The following GTF2B variants were observed in gnomAD, a reference collection of about 807,000 sequenced individuals.
The protein encoded by GTF2B is transcription initiation factor IIB.
In GTF2B, 20 loss-of-function variants were observed where a neutral mutation model predicts 34.6. The ratio of observed to expected loss-of-function variants is 0.58; its 90% CI spans 0.41 to 0.84. The LOEUF (loss-of-function observed/expected upper bound fraction) is 0.84. Among genes scored for constraint, GTF2B ranks in the 40% least tolerant of loss-of-function variants. The probability of loss-of-function intolerance (pLI) is 0.00; values close to 1 mark genes in which losing one functional copy is unlikely to be tolerated. For missense variants in GTF2B, 237 were observed against 393.3 expected, an observed-to-expected ratio of 0.60 and a Z score of 3.36; for synonymous variants, 142 against 132.4, an observed-to-expected ratio of 1.07 and a Z score of -0.50.
At chr1:88,887,964 T>C (rs2100982195) in intron 1 of GTF2B, 1 of 152,414 alleles carries the variant, frequency 6.6e-6, no homozygotes, top group African/African-American at 2.4e-5. Flanking sequence ...TTATCTGTGA[T>C]ATTAATAATT....
At position 88,853,332 on chromosome 1, in the gene GTF2B, C is replaced by T; in HGVS notation, c.832G>A (p.Ala278Thr). The change falls in exon 7 of 7, where the codon GCT becomes ACT. Residue 278 changes from alanine to threonine, a missense_variant. Around this residue, in one of 3 missense-constraint regions of GTF2B, gnomAD observed 78 missense variants for 116.6 expected, o/e 0.67. Transcript: ENST00000370500. ...CTGATTGTAACATCAGCAACACCAG[C>T]AATATCTCCAATTTCTAAAAGACAA... ...KRTQKEIGDI[A>T]GVADVTIRQS... The T allele has an allele frequency of 6.2e-7, 1 of 1,612,566 alleles. No homozygotes were observed. The highest frequency in any genetic ancestry group is 8.5e-7 in the Non-Finnish European group (1 of 1,178,674).
intron 2 of GTF2B, among the ~76,000 whole-genome samples, chr1:88,874,181 A>G (rs999659976): frequency 6.6e-6 from 1 of 152,224 alleles, no homozygotes; most frequent in African/African-American, 2.4e-5. Context: ...CTTATCGTGC[A>G]GGGGAAATTG....
intron 2 of GTF2B, among the ~76,000 whole-genome samples, chr1:88,880,527 G>A (rs549256212): frequency 1.4e-4 from 21 of 152,246 alleles, no homozygotes; most frequent in African/African-American, 5.1e-4. Flanking sequence ...TCTTTTCATT[G>A]TACCTTTTCT....
chr1:88,856,659 T>C (rs1299177948), intron 6 of GTF2B, among the ~76,000 whole-genome samples: 2 of 152,184 alleles, frequency 1.3e-5, no homozygotes, highest in East Asian at 1.9e-4. Flanking sequence ...GAATAAAAGA[T>C]GTACAAACTA....
intron 1 of GTF2B, among the ~76,000 whole-genome samples, chr1:88,889,494 T>C (rs116754461): frequency 0.012 from 1,835 of 152,322 alleles, 32 homozygotes; most frequent in African/African-American, 0.041. Flanking sequence ...CTGTATTACT[T>C]GTGTTATACA....
At chr1:88,884,521 G>A (rs929951401) in intron 2 of GTF2B, among the ~76,000 whole-genome samples, 17 of 152,238 alleles carry the variant, frequency 1.1e-4, no homozygotes, top group African/African-American at 3.6e-4. Context: ...TATTTTCTCT[G>A]CATACATTTC....
At chr1:88,858,455 C>A (rs1056998403) in intron 5 of GTF2B, among the ~76,000 whole-genome samples, 1 of 152,142 alleles carries the variant, frequency 6.6e-6, no homozygotes, top group African/African-American at 2.4e-5. Context: ...CTAAAGGATG[C>A]CTCTTAGGCA....
At chr1:88,871,749 GA>G (rs1220000965) in intron 2 of GTF2B, among the ~76,000 whole-genome samples, 1 of 152,098 alleles carries the variant, frequency 6.6e-6, no homozygotes, top group Non-Finnish European at 1.5e-5. Context: ...TATTCTTTTT[GA>G]GATGGAGTTT....
At chr1:88,874,484 C>A (rs910564037) in intron 2 of GTF2B, among the ~76,000 whole-genome samples, 10 of 142,280 alleles carry the variant, frequency 7.0e-5, no homozygotes, top group Non-Finnish European at 1.2e-4. Flanking sequence ...CGCCACCACA[C>A]ACAGCTAATT....
chr1:88,890,609 A>G (rs1230686532), intron 1 of GTF2B, among the ~76,000 whole-genome samples: 1 of 152,224 alleles, frequency 6.6e-6, no homozygotes, highest in Non-Finnish European at 1.5e-5. Context: ...TCTACACTCT[A>G]ACACGACTCT....
At chr1:88,865,978 G>C (rs1291390715) in intron 2 of GTF2B, among the ~76,000 whole-genome samples, 3 of 152,100 alleles carry the variant, frequency 2.0e-5, no homozygotes, top group African/African-American at 7.2e-5. Context: ...ATTCCACCTA[G>C]ACTATGCTAA....
intron 2 of GTF2B, among the ~76,000 whole-genome samples, chr1:88,882,923 T>C (rs1212809510): frequency 6.6e-6 from 1 of 152,218 alleles, no homozygotes; most frequent in Admixed American, 6.5e-5. Flanking sequence ...AAACAAATTT[T>C]GAAATATGAA....
At chr1:88,879,241 TATAAG>T (rs1171933761) in intron 2 of GTF2B, among the ~76,000 whole-genome samples, 1 of 151,824 alleles carries the variant, frequency 6.6e-6, no homozygotes, top group Non-Finnish European at 1.5e-5. Context: ...GATATAAGCT[TATAAG>T]ATAAATATAC....
intron 6 of GTF2B, among the ~76,000 whole-genome samples, chr1:88,856,291 C>CAAAAAAAAAAAAAAAAAAA (rs1162915523): frequency 1.4e-4 from 12 of 86,168 alleles, no homozygotes; most frequent in East Asian, 7.5e-4. Flanking sequence ...AAAAAAAAAA[C>CAAAAAAAAAAAAAAAAAAA]AAAAAAAAAA....
chr1:88,857,109 G>T, intron 6 of GTF2B, 97 bp downstream of exon 6: 3 of 1,156,988 alleles, frequency 2.6e-6, no homozygotes, highest in Non-Finnish European at 3.7e-6. Flanking sequence ...TCAAATGTGG[G>T]TTTCTTGCTA....
At chr1:88,886,942 G>C (rs886302026) in intron 2 of GTF2B, among the ~76,000 whole-genome samples, 15 of 151,052 alleles carry the variant, frequency 9.9e-5, no homozygotes, top group African/African-American at 3.7e-4. Flanking sequence ...TTTTTGAGAC[G>C]GAGTCTTGCT....
chr1:88,860,972 T>C (rs1014005502), intron 3 of GTF2B, among the ~76,000 whole-genome samples: 1 of 152,128 alleles, frequency 6.6e-6, no homozygotes. Flanking sequence ...AAGTACAAAA[T>C]TGGAAAGGAT....
chr1:88,882,420 T>A (rs1673972762), intron 2 of GTF2B, among the ~76,000 whole-genome samples: 1 of 152,036 alleles, frequency 6.6e-6, no homozygotes, highest in South Asian at 2.1e-4. Flanking sequence ...CATTATCAGT[T>A]TGATCTTAAC....
At chr1:88,870,888 TAC>T (rs995877045) in intron 2 of GTF2B, among the ~76,000 whole-genome samples, 9 of 151,062 alleles carry the variant, frequency 6.0e-5, no homozygotes, top group Non-Finnish European at 7.4e-5. Flanking sequence ...CTGTGTTTCT[TAC>T]ACAGTCTTTT....
Sources: allele counts gnomAD v4.1 joint callset (sites outside exome capture counted in the v4.1 genomes callset), GRCh38; gene constraint gnomAD v4.1.1; regional missense constraint gnomAD v4.1.1; transcripts MANE v1.5; gene names NCBI Gene and HGNC (gene_info 2026-07-23, HGNC 2026-07-21).